The following MCCC1 variants were observed in gnomAD, a reference collection of about 807,000 sequenced individuals.
MCCC1 encodes the protein methylcrotonoyl-CoA carboxylase subunit alpha, mitochondrial.
In MCCC1, 64 loss-of-function variants were observed where a neutral mutation model predicts 83.8. The ratio of observed to expected loss-of-function variants is 0.76; its 90% confidence interval spans 0.62 to 0.94. The LOEUF (loss-of-function observed/expected upper bound fraction) is 0.94. MCCC1 is among the 40% of genes least tolerant of loss of function. The pLI is 0.00. For synonymous variants in MCCC1, 322 were observed against 315.4 expected, an observed-to-expected ratio of 1.02 and a Z score of -0.22; for missense variants, 807 against 904.7, an observed-to-expected ratio of 0.89 and a Z score of 1.39.
intron 17 of MCCC1, among the ~76,000 whole-genome samples, chr3:183,019,127 A>C (rs570879461): frequency 6.1e-4 from 93 of 152,302 alleles, no homozygotes; most frequent in Non-Finnish European, 1.1e-3. Context: ...GGCTGAAATC[A>C]CCCACACTAT....
At chr3:183,025,566 A>G (rs898277126) in intron 15 of MCCC1, among the ~76,000 whole-genome samples, 189 bp downstream of exon 15, 1 of 152,238 alleles carries the variant, frequency 6.6e-6, no homozygotes, top group Non-Finnish European at 1.5e-5. Context: ...AACTGAGTAA[A>G]CAATCAGTTA....
intron 9 of MCCC1, among the ~76,000 whole-genome samples, chr3:183,049,745 C>A (rs1217725428): frequency 6.6e-6 from 1 of 152,120 alleles, no homozygotes; most frequent in African/African-American, 2.4e-5. Context: ...ATGAATAATT[C>A]TATGCCCACA....
chr3:183,087,869 C>CAAAA (rs1223603175), intron 3 of MCCC1, among the ~76,000 whole-genome samples: 2 of 51,352 alleles, frequency 3.9e-5, no homozygotes, highest in Non-Finnish European at 8.8e-5. Context: ...GACTCCTTCT[C>CAAAA]AAAAAAAAAA....
At chr3:183,079,462 C>T (rs899905744) in intron 4 of MCCC1, among the ~76,000 whole-genome samples, 2 of 152,206 alleles carry the variant, frequency 1.3e-5, no homozygotes, top group Non-Finnish European at 2.9e-5. Flanking sequence ...CCTTTGACTC[C>T]ATGTCTCGCA....
chr3:183,070,544 C>G (rs1245149783), intron 7 of MCCC1, among the ~76,000 whole-genome samples: 1 of 152,068 alleles, frequency 6.6e-6, no homozygotes, highest in African/African-American at 2.4e-5. Flanking sequence ...ACCTGCCTGA[C>G]CAACATGGGA....
chr3:183,063,334 G>T lies in MCCC1; in HGVS notation c.762-5912C>A, dbSNP rs1577316411. Among the ~76,000 whole-genome samples, 5 of 31,856 alleles carry T rather than the reference G, an allele frequency of 1.6e-4. No homozygotes were observed. In the South Asian group the frequency reaches 9.7e-3, roughly 62 times the overall value. The allele number at this position is 31,856 out of a possible 152,430, so 20.9% of individuals were successfully genotyped here. On this transcript the variant is annotated intron_variant, in intron 7 of 18. Transcript: ENST00000265594. ...TATGTATTATATATGAACTGAGGAAGAAATCTGATTTGTTTTTTCTTCCAA... is the reference window on the plus strand; with the variant it reads ...TATGTATTATATATGAACTGAGGAATAAATCTGATTTGTTTTTTCTTCCAA...
chr3:183,104,464 G>GA (rs66534564), upstream of MCCC1, among the ~76,000 whole-genome samples: 685 of 151,300 alleles, frequency 4.5e-3, 3 homozygotes, highest in Non-Finnish European at 5.9e-3. Context: ...AGCTATAATG[G>GA]AAAAAAAAAG....
upstream of MCCC1, among the ~76,000 whole-genome samples, chr3:183,103,229 G>GC (rs1719348175): frequency 6.6e-6 from 1 of 152,024 alleles, no homozygotes; most frequent in Non-Finnish European, 1.5e-5. Flanking sequence ...GTGAGCAGCC[G>GC]CAGGATTTAT....
intron 11 of MCCC1, among the ~76,000 whole-genome samples, chr3:183,040,618 G>A (rs144098529): frequency 0.027 from 4,047 of 151,300 alleles, 200 homozygotes; most frequent in African/African-American, 0.094. Flanking sequence ...AGCTACTCGG[G>A]AGGCTGAGGC....
chr3:183,065,277 A>C (rs1383408518), intron 7 of MCCC1, among the ~76,000 whole-genome samples: 2 of 151,788 alleles, frequency 1.3e-5, no homozygotes, highest in African/African-American at 2.4e-5. Flanking sequence ...TGACCTTGTA[A>C]CCATGTGGCC....
intron 7 of MCCC1, 96 bp from the exon 8 acceptor site, chr3:183,057,518 C>A: frequency 1.0e-6 from 1 of 1,002,906 alleles, no homozygotes; most frequent in Non-Finnish European, 1.5e-6. Flanking sequence ...ACCAGGATTT[C>A]TCCATTTTTA....
chr3:183,054,364 T>G (rs11711666), intron 8 of MCCC1, among the ~76,000 whole-genome samples: 83,821 of 151,382 alleles, frequency 0.55, 28,568 homozygotes, highest in Non-Finnish European at 0.76. Flanking sequence ...TTTTTTTGTA[T>G]TTTTAGTAGA....
intron 4 of MCCC1, among the ~76,000 whole-genome samples, chr3:183,077,705 T>G (rs1717181139): frequency 6.6e-6 from 1 of 152,212 alleles, no homozygotes; most frequent in Non-Finnish European, 1.5e-5. Context: ...GATTTTCTCC[T>G]ATGTTTTCTT....
At chr3:183,108,759 A>T (rs898657338) in intron 1 of MCCC1, among the ~76,000 whole-genome samples, 4 of 152,162 alleles carry the variant, frequency 2.6e-5, no homozygotes, top group Non-Finnish European at 4.4e-5. Context: ...TTCTGGGGCA[A>T]GGGCAGTTAT....
upstream of MCCC1, among the ~76,000 whole-genome samples, chr3:183,103,810 G>T (rs980969532): frequency 6.6e-6 from 1 of 152,170 alleles, no homozygotes; most frequent in Non-Finnish European, 1.5e-5. Flanking sequence ...GGCGCTCATC[G>T]GGAAGGCTCG....
chr3:183,076,312 T>C (rs1314148351), intron 4 of MCCC1, among the ~76,000 whole-genome samples: 2 of 152,218 alleles, frequency 1.3e-5, no homozygotes, highest in Non-Finnish European at 2.9e-5. Flanking sequence ...CTGGCTTCTT[T>C]AACTTCACAT....
chr3:183,112,899 C>A (rs1184731634), intron 1 of MCCC1, among the ~76,000 whole-genome samples: 5 of 151,004 alleles, frequency 3.3e-5, no homozygotes, highest in African/African-American at 1.2e-4. Context: ...GTAGTGAGAC[C>A]CCCATCTTAA....
At chr3:183,024,118 T>C (rs1320233269) in intron 15 of MCCC1, among the ~76,000 whole-genome samples, 1 of 152,198 alleles carries the variant, frequency 6.6e-6, no homozygotes, top group East Asian at 1.9e-4. Context: ...GGCATGGTGG[T>C]GCATGCCTGT....
chr3:183,096,691 C>G (rs1012912277), intron 1 of MCCC1, among the ~76,000 whole-genome samples: 5 of 152,220 alleles, frequency 3.3e-5, no homozygotes, highest in African/African-American at 1.2e-4. Flanking sequence ...GGAAGACCCA[C>G]AGCTTTGGCA....
Sources: allele counts gnomAD v4.1 joint callset (sites outside exome capture counted in the v4.1 genomes callset), GRCh38; gene constraint gnomAD v4.1.1; transcripts MANE v1.5; gene names NCBI Gene and HGNC (gene_info 2026-07-23, HGNC 2026-07-21).